SORCS3: variants seen among roughly 807,000 people sequenced by gnomAD.
SORCS3 encodes sortilin related VPS10 domain containing receptor 3, also known as VPS10 domain-containing receptor SorCS3.
Under a neutral mutation model 146.3 loss-of-function variants are expected in SORCS3, and 57 were observed. The ratio of observed to expected loss-of-function variants is 0.39; its 90% CI spans 0.31 to 0.49. The LOEUF is 0.49. Among genes scored for constraint, SORCS3 ranks in the 20% least tolerant of loss-of-function variants. The pLI is 0.92. For synonymous variants in SORCS3, 653 were observed against 618.5 expected, an observed-to-expected ratio of 1.06 and a Z score of -0.83; for missense variants, 1,341 against 1,575.5, an observed-to-expected ratio of 0.85 and a Z score of 2.52.
intron 1 of SORCS3, among the ~76,000 whole-genome samples, chr10:104,728,634 A>T (rs1240209170): frequency 6.6e-6 from 1 of 152,226 alleles, no homozygotes; most frequent in Admixed American, 6.5e-5. Context: ...CTCAGGCTCA[A>T]GGCCGTTTAC....
At chr10:104,847,630 G>T (rs1213453035) in intron 2 of SORCS3, among the ~76,000 whole-genome samples, 1 of 152,180 alleles carries the variant, frequency 6.6e-6, no homozygotes, top group African/African-American at 2.4e-5. Context: ...CTGGCTGCTG[G>T]TCTAGGGTCT....
intron 24 of SORCS3, 135 bp downstream of exon 24, chr10:105,255,936 G>T: frequency 1.5e-6 from 1 of 657,964 alleles, no homozygotes; most frequent in South Asian, 2.1e-5. Context: ...TGTAGTTATG[G>T]TTCAGAAGGA....
chr10:104,783,364 T>C (rs1195029776), intron 1 of SORCS3, among the ~76,000 whole-genome samples: 1 of 152,192 alleles, frequency 6.6e-6, no homozygotes, highest in Non-Finnish European at 1.5e-5. Context: ...TGTTTGCTGA[T>C]GGTGATTTAG....
chr10:105,254,108 T>C (rs151213188), intron 23 of SORCS3, among the ~76,000 whole-genome samples: 65 of 152,344 alleles, frequency 4.3e-4, no homozygotes, highest in South Asian at 3.1e-3. Context: ...GTTCTGCGAC[T>C]TGCTAGGGAA....
intron 1 of SORCS3, among the ~76,000 whole-genome samples, chr10:104,728,218 C>T (rs185712647): frequency 1.7e-4 from 26 of 151,994 alleles, no homozygotes; most frequent in Non-Finnish European, 3.1e-4. Context: ...TCATTATTTC[C>T]TTAAGATAAA....
chr10:105,172,515 CT>C (rs1287962216), intron 13 of SORCS3, among the ~76,000 whole-genome samples: 9 of 152,168 alleles, frequency 5.9e-5, no homozygotes, highest in African/African-American at 2.2e-4. Flanking sequence ...TAACTACATT[CT>C]GTCTAATTTC....
At chr10:105,088,351 A>G (rs2055677358) in intron 5 of SORCS3, among the ~76,000 whole-genome samples, 1 of 152,230 alleles carries the variant, frequency 6.6e-6, no homozygotes, top group South Asian at 2.1e-4. Context: ...CACTGGGAAA[A>G]ATAACCCATT....
intron 1 of SORCS3, among the ~76,000 whole-genome samples, chr10:104,728,912 T>G (rs1381340115): frequency 6.6e-6 from 1 of 152,232 alleles, no homozygotes; most frequent in Non-Finnish European, 1.5e-5. Flanking sequence ...GGACTCCATC[T>G]GCCTTAAGTC....
At chr10:104,936,444 G>A (rs186001093) in intron 3 of SORCS3, among the ~76,000 whole-genome samples, 74 of 152,254 alleles carry the variant, frequency 4.9e-4, no homozygotes, top group African/African-American at 1.6e-3. Context: ...GTGGGGTTCC[G>A]AGGATTTCAA....
At chr10:104,767,431 C>T (rs899358356) in intron 1 of SORCS3, among the ~76,000 whole-genome samples, 5 of 152,168 alleles carry the variant, frequency 3.3e-5, no homozygotes, top group African/African-American at 1.2e-4. Context: ...CAGGCTAAGC[C>T]TTACCTCCTG....
At chr10:105,029,132 C>T (rs2055248696) in intron 4 of SORCS3, among the ~76,000 whole-genome samples, 1 of 152,170 alleles carries the variant, frequency 6.6e-6, no homozygotes, top group Admixed American at 6.5e-5. Flanking sequence ...TTTAAAGCTA[C>T]CTCTGGCCAG....
At chr10:104,792,948 G>A (rs1403694343) in intron 1 of SORCS3, among the ~76,000 whole-genome samples, 1 of 152,064 alleles carries the variant, frequency 6.6e-6, no homozygotes, top group African/African-American at 2.4e-5. Flanking sequence ...CTTGATAAGT[G>A]GTCTCACTGC....
chr10:104,829,760 C>T (rs1194483049), intron 1 of SORCS3, among the ~76,000 whole-genome samples: 3 of 152,130 alleles, frequency 2.0e-5, no homozygotes, highest in Non-Finnish European at 2.9e-5. Context: ...TTTCACTTTA[C>T]AGGGATCTGG....
At chr10:104,983,559 G>A (rs1000897137) in intron 4 of SORCS3, among the ~76,000 whole-genome samples, 3 of 152,120 alleles carry the variant, frequency 2.0e-5, no homozygotes, top group Non-Finnish European at 4.4e-5. Context: ...AGCCACAGGT[G>A]CTCCAGGAGG....
At chr10:104,759,849 T>A (rs890431237) in intron 1 of SORCS3, among the ~76,000 whole-genome samples, 4 of 151,632 alleles carry the variant, frequency 2.6e-5, no homozygotes, top group Admixed American at 2.6e-4. Context: ...ACAGAGGAGG[T>A]CCCTGTGCTT....
At chr10:104,670,876 C>T in intron 1 of SORCS3, among the ~76,000 whole-genome samples, 1 of 122,408 alleles carries the variant, frequency 8.2e-6, no homozygotes, top group East Asian at 3.2e-4. Flanking sequence ...TCATTGACAA[C>T]TCTTTTCTGT....
intron 7 of SORCS3, among the ~76,000 whole-genome samples, chr10:105,125,679 C>CCGCACACACACACACACA (rs1554879548): frequency 1.4e-5 from 2 of 144,374 alleles, no homozygotes; most frequent in African/African-American, 5.2e-5. Context: ...CACTGAATAT[C>CCGCACACACACACACACA]CACACACACA....
At chr10:105,079,841 A>G (rs1422718528) in intron 5 of SORCS3, among the ~76,000 whole-genome samples, 1 of 152,214 alleles carries the variant, frequency 6.6e-6, no homozygotes, top group East Asian at 1.9e-4. Flanking sequence ...TAGTTTGCTA[A>G]GAAGAATTAC....
chr10:104,675,188 T>G (rs567002843), intron 1 of SORCS3, among the ~76,000 whole-genome samples: 1 of 152,326 alleles, frequency 6.6e-6, no homozygotes, highest in Admixed American at 6.5e-5. Context: ...CCCATTGTGG[T>G]TTTTAATTCA....
Sources: allele counts gnomAD v4.1 joint callset (sites outside exome capture counted in the v4.1 genomes callset), GRCh38; gene constraint gnomAD v4.1.1; transcripts MANE v1.5; gene names NCBI Gene and HGNC (gene_info 2026-07-23, HGNC 2026-07-21).